KITLG: variants seen among roughly 807,000 people sequenced by gnomAD.
KITLG encodes KIT ligand.
In KITLG, 13 loss-of-function variants were observed where a neutral mutation model predicts 34.1. That is an observed-to-expected ratio of 0.38 (90% confidence interval 0.25 to 0.61). The LOEUF (loss-of-function observed/expected upper bound fraction) is 0.61, where lower values mean the gene tolerates loss of function less well. Ranked by LOEUF, KITLG falls within the 20% of genes least tolerant of loss-of-function variation. KITLG has a pLI of 0.60. For synonymous variants in KITLG, 110 were observed against 104.0 expected (o/e 1.06, Z -0.35); for missense variants, 292 against 318.9 (o/e 0.92, Z 0.64).
At position 88,555,149 on chromosome 12, in the gene KITLG, C is replaced by T. The variant is rs77646233; in HGVS notation, c.16-9284G>A. ...AATATAATAAGGGAATTTAATGTAACGGGAATTTAAAGATTTCAAGGTATT... is the reference window on the plus strand; with the variant it reads ...AATATAATAAGGGAATTTAATGTAATGGGAATTTAAAGATTTCAAGGTATT... On this transcript the variant is annotated intron_variant, in intron 1 of 9. Transcript: ENST00000644744. 7.4e-3 allele frequency among the ~76,000 whole-genome samples: 1,121 copies of T among 152,038 alleles called. 13 individuals carry two copies. The highest frequency in any genetic ancestry group is 0.025 in the African/African-American group (1,023 of 41,504).
chr12:88,557,338 A>T (rs1871127563), intron 1 of KITLG, among the ~76,000 whole-genome samples: 1 of 152,184 alleles, frequency 6.6e-6, no homozygotes, highest in African/African-American at 2.4e-5. Context: ...AAAGATGTAC[A>T]TAATAGAGTA....
rs574549183 is a variant in KITLG, at chr12:88,505,576, CAT to C, written c.783-343_783-342del. Among the ~76,000 whole-genome samples the C allele has an allele frequency of 2.6e-5, 4 of 152,240 alleles. No individual in the cohort carries two copies. The South Asian group carries it at 8.3e-4, about 32-fold the overall frequency. ...AAAATTATAATCAAAGGTAAGGGAACATATGAGTGCTGGGCAGTATAGGGTAA... is the reference window on the plus strand; with the variant it reads ...AAAATTATAATCAAAGGTAAGGGAACATGAGTGCTGGGCAGTATAGGGTAA... On this transcript the variant is annotated intron_variant, in intron 8 of 9. Coordinates refer to ENST00000644744, the MANE Select transcript of KITLG (RefSeq NM_000899.5).
rs1425763833 is a variant in KITLG at position 88,496,994 on chromosome 12, A to G, written c.*225T>C. On this transcript the variant is annotated 3_prime_UTR_variant, in exon 10 of 10. Transcript: ENST00000644744. ...CTTAAAATAGAGTCCTGCTCCATGC[A>G]AGTTCTTCTTTATAGATGATTAATT... is the stretch of plus-strand genomic sequence containing the variant. 3.5e-5 allele frequency: 10 copies of G among 284,816 alleles called. No individual in the cohort carries two copies. In the Admixed American group the frequency reaches 4.6e-4, roughly 13 times the overall value. 17.6% of individuals were successfully genotyped at this position (284,816 alleles called of 1,614,324 possible). A position where few individuals can be genotyped will look rare whatever the true frequency, so the allele number is the denominator to read the frequency against.
chr12:88,531,287 T>G (rs1466072652), intron 3 of KITLG, among the ~76,000 whole-genome samples: 1 of 152,082 alleles, frequency 6.6e-6, no homozygotes, highest in Non-Finnish European at 1.5e-5. Flanking sequence ...AAAGCACACA[T>G]TGGAATGAAA....
chr12:88,556,121 G>A (rs1015651255), intron 1 of KITLG, among the ~76,000 whole-genome samples: 26 of 151,844 alleles, frequency 1.7e-4, no homozygotes, highest in African/African-American at 5.3e-4. Context: ...CCCTGAGAGA[G>A]GAAGTAGCAG....
At chr12:88,516,732 A>G (rs1869471269) in intron 4 of KITLG, among the ~76,000 whole-genome samples, 1 of 151,276 alleles carries the variant, frequency 6.6e-6, no homozygotes, top group Non-Finnish European at 1.5e-5. Flanking sequence ...AAAATAAAAT[A>G]AATAACCTTA....
At chr12:88,545,606 C>T in intron 2 of KITLG, 146 bp downstream of exon 2, 1 of 608,656 alleles carries the variant, frequency 1.6e-6, no homozygotes, top group South Asian at 2.0e-5. Context: ...TTTCTATAAA[C>T]CCTTTATTGT....
At chr12:88,542,300 C>A (rs75683206) in intron 2 of KITLG, among the ~76,000 whole-genome samples, 11,918 of 152,120 alleles carry the variant, frequency 0.078, 512 homozygotes, top group Non-Finnish European at 0.1. Flanking sequence ...CAGCACAATT[C>A]TGAGCTTCAT....
In KITLG at chr12:88,494,033, T is replaced by C. The variant is rs1868510889; in HGVS notation, c.*3186A>G. On this transcript the variant is annotated 3_prime_UTR_variant, in exon 10 of 10. Transcript: ENST00000644744. ...GTATGGGTTAGTTTCAATGCTATTT[T>C]GTCTTCTTTGTCGGTCATATTGCAA... 1 of 151,870 alleles carries C rather than the reference T, an allele frequency of 6.6e-6. No individual in the cohort carries two copies. Among genetic ancestry groups the C allele is most frequent in the Non-Finnish European group, 1.5e-5 (1 of 67,840 alleles). 9.4% of individuals were successfully genotyped at this position (151,870 alleles called of 1,614,324 possible).
At position 88,494,853 on chromosome 12, in the gene KITLG, G is replaced by T. The variant is rs1303936421; in HGVS notation, c.*2366C>A. The T allele has an allele frequency of 6.6e-6, 1 of 151,956 alleles. No individual in the cohort carries two copies. The highest frequency in any genetic ancestry group is 1.5e-5 in the Non-Finnish European group (1 of 67,896). 9.4% of individuals were successfully genotyped at this position (151,956 alleles called of 1,614,324 possible). The stretch of plus-strand genomic sequence containing the variant: ...GAGTTTTCCATGATTTATGAAGAAG[G>T]ATATTCAGAACACATCTGGGATAAA... On this transcript the variant is annotated 3_prime_UTR_variant, in exon 10 of 10. Transcript: ENST00000644744.
chr12:88,552,776 G>A (rs1010932487), intron 1 of KITLG, among the ~76,000 whole-genome samples: 3 of 151,446 alleles, frequency 2.0e-5, no homozygotes, highest in South Asian at 2.1e-4. Flanking sequence ...AAAAAAAAAC[G>A]CTTTTGGAAA....
At position 88,506,256 on chromosome 12, in the gene KITLG, G is replaced by A. The variant is rs375570427; in HGVS notation, c.782+55C>T. ...AAGACATTATGGGCAGGTACACAGT[G>A]TGTGAAATGGCAATGTCATGCTTGA... is the stretch of plus-strand genomic sequence containing the variant. On this transcript the variant is annotated intron_variant, in intron 8 of 9. Transcript: ENST00000644744. 1,225 of 1,178,170 alleles carry A rather than the reference G, an allele frequency of 1.0e-3. 18 individuals carry two copies. Among genetic ancestry groups the A allele is most frequent in the Admixed American group, 8.9e-4 (53 of 59,452 alleles). 73.0% of individuals were successfully genotyped at this position (1,178,170 alleles called of 1,614,324 possible). A position where few individuals can be genotyped will look rare whatever the true frequency, so the allele number is the denominator to read the frequency against.
At chr12:88,543,018 C>T (rs1487926896) in intron 2 of KITLG, among the ~76,000 whole-genome samples, 4 of 152,064 alleles carry the variant, frequency 2.6e-5, no homozygotes, top group Non-Finnish European at 5.9e-5. Flanking sequence ...GCTCTTAAGC[C>T]TCCTTTCAGA....
chr12:88,549,981 C>T (rs1176402858), intron 1 of KITLG, among the ~76,000 whole-genome samples: 6 of 151,930 alleles, frequency 3.9e-5, no homozygotes, highest in African/African-American at 7.3e-5. Context: ...AGTTATAGGC[C>T]GAGTAAGATA....
At chr12:88,529,718 T>C (rs902916548) in intron 3 of KITLG, among the ~76,000 whole-genome samples, 5 of 152,208 alleles carry the variant, frequency 3.3e-5, no homozygotes, top group Admixed American at 3.3e-4. Context: ...CAGCTGGGAC[T>C]CTGACCACTC....
chr12:88,580,458 G>A lies in KITLG; in HGVS notation c.-180C>T. The A allele has an allele frequency of 5.2e-6, 4 of 763,540 alleles. No homozygotes were observed. Among genetic ancestry groups the A allele is most frequent in the South Asian group, 1.8e-5 (1 of 56,936 alleles). The allele number at this position is 763,540 out of a possible 1,614,324, so 47.3% of individuals were successfully genotyped here. A position where few individuals can be genotyped will look rare whatever the true frequency, so the allele number is the denominator to read the frequency against. On this transcript the variant is annotated 5_prime_UTR_variant, in exon 1 of 10. Coordinates refer to ENST00000644744, the MANE Select transcript of KITLG (RefSeq NM_000899.5). ...GCAGCGCTTCTAGTCTCGGCGCGAG[G>A]CGGCGAGCGAAGCCCGGCTGCTGAG...
At chr12:88,499,774 G>C (rs2120783087) in intron 9 of KITLG, among the ~76,000 whole-genome samples, 1 of 152,226 alleles carries the variant, frequency 6.6e-6, no homozygotes, top group East Asian at 1.9e-4. Flanking sequence ...AGGATTTGTT[G>C]ATTCTTTTAC....
At chr12:88,523,748 A>C (rs1186654134) in intron 3 of KITLG, among the ~76,000 whole-genome samples, 1 of 152,234 alleles carries the variant, frequency 6.6e-6, no homozygotes. Context: ...TTGCCAGTGT[A>C]GTCTCCGAAA....
In KITLG at chr12:88,580,372, G is replaced by C. The variant is rs1871976358; in HGVS notation, c.-94C>G. The C allele has an allele frequency of 1.4e-6, 2 of 1,444,998 alleles. No individual in the cohort carries two copies. The highest frequency in any genetic ancestry group is 2.4e-5 in the East Asian group (1 of 41,880). 89.5% of individuals were successfully genotyped at this position (1,444,998 alleles called of 1,614,324 possible). ...CCAGCATATTGCACGAACAGCGGCGGCAGATAGTCCACGCATTGGGTAGCC... is the reference window on the plus strand; with the variant it reads ...CCAGCATATTGCACGAACAGCGGCGCCAGATAGTCCACGCATTGGGTAGCC... On this transcript the variant is annotated 5_prime_UTR_variant, in exon 1 of 10. Transcript: ENST00000644744.
Sources: allele counts gnomAD v4.1 joint callset (sites outside exome capture counted in the v4.1 genomes callset), GRCh38; gene constraint gnomAD v4.1.1; transcripts MANE v1.5; gene names NCBI Gene and HGNC (gene_info 2026-07-23, HGNC 2026-07-21).